Variants in EIF2S1 observed in about 807,000 individuals in gnomAD.
EIF2S1 encodes eukaryotic translation initiation factor 2 subunit 1.
A neutral mutation model predicts 33.5 loss-of-function variants in EIF2S1; 5 were observed. That is an observed-to-expected ratio of 0.15 (90% CI 0.08 to 0.31). The LOEUF (loss-of-function observed/expected upper bound fraction) is 0.31, where lower values mean the gene tolerates loss of function less well. Ranked by LOEUF, EIF2S1 falls within the 10% of genes least tolerant of loss-of-function variation. EIF2S1 has a pLI of 1.00. For synonymous variants in EIF2S1, 99 were observed against 127.5 expected (o/e 0.78, Z 1.51); for missense variants, 191 against 384.6 (o/e 0.50, Z 4.21).
chr14:67,380,048 G>A (rs1350163461), intron 4 of EIF2S1, among the ~76,000 whole-genome samples: 2 of 152,082 alleles, frequency 1.3e-5, no homozygotes, highest in Admixed American at 1.3e-4. Context: ...TGAGTCACTG[G>A]TGCCCAGCCT....
intron 2 of EIF2S1, among the ~76,000 whole-genome samples, chr14:67,371,824 T>C (rs922680987): frequency 5.3e-5 from 8 of 152,234 alleles, no homozygotes; most frequent in Non-Finnish European, 1.5e-5. Flanking sequence ...CAAAGACATG[T>C]TTTTGTAAAA....
intron 4 of EIF2S1, among the ~76,000 whole-genome samples, chr14:67,379,348 CAGT>C: frequency 6.6e-6 from 1 of 152,298 alleles, no homozygotes; most frequent in Middle Eastern, 3.4e-3. Flanking sequence ...AATGAATTCA[CAGT>C]AGTATCTTTT....
intron 3 of EIF2S1, 140 bp from the exon 4 acceptor site, chr14:67,376,299 C>A: frequency 1.2e-6 from 1 of 867,038 alleles, no homozygotes; most frequent in Non-Finnish European, 1.7e-6. Flanking sequence ...TTTATACCCA[C>A]TTAAAGTGAG....
At chr14:67,361,006 A>G (rs77603679) in intron 1 of EIF2S1, among the ~76,000 whole-genome samples, 2,878 of 152,220 alleles carry the variant, frequency 0.019, 37 homozygotes, top group Middle Eastern at 0.034. Context: ...CACCCCTTGA[A>G]CCAAAACTAA....
intron 1 of EIF2S1, among the ~76,000 whole-genome samples, chr14:67,363,676 G>A (rs2085756620): frequency 6.6e-6 from 1 of 152,130 alleles, no homozygotes; most frequent in Admixed American, 6.5e-5. Context: ...TGTACCACAA[G>A]GAGATAGGCA....
chr14:67,382,675 G>A (rs758209462), intron 7 of EIF2S1, 85 bp downstream of exon 7: 4 of 1,485,200 alleles, frequency 2.7e-6, no homozygotes, highest in Admixed American at 1.7e-5. Context: ...TGTCGGCCTT[G>A]GAATGTCATA....
intron 2 of EIF2S1, among the ~76,000 whole-genome samples, chr14:67,371,945 G>A (rs1287324463): frequency 6.6e-6 from 1 of 152,128 alleles, no homozygotes; most frequent in Non-Finnish European, 1.5e-5. Context: ...TGGAGTGTAT[G>A]GAATGCCAGT....
chr14:67,380,091 C>T (rs1366259284), intron 4 of EIF2S1, among the ~76,000 whole-genome samples: 2 of 152,112 alleles, frequency 1.3e-5, no homozygotes, highest in African/African-American at 2.4e-5. Flanking sequence ...ATAGTTCTAC[C>T]TTTACTTTTT....
At chr14:67,366,895 G>A (rs935678422) in intron 2 of EIF2S1, among the ~76,000 whole-genome samples, 1 of 152,076 alleles carries the variant, frequency 6.6e-6, no homozygotes, top group African/African-American at 2.4e-5. Flanking sequence ...GCTGAAGACA[G>A]CTTCAAGCCA....
In EIF2S1 at chr14:67,364,842, A is replaced by G. The variant is rs1409001917; in HGVS notation, c.75A>G (p.Arg25=). 6.2e-7 allele frequency: 1 copy of G among 1,614,050 alleles called. No individual in the cohort carries two copies. The highest frequency in any genetic ancestry group is 1.3e-5 in the African/African-American group (1 of 75,034). The change falls in exon 2 of 8, where the codon AGA becomes AGG. Residue 25 remains arginine, a synonymous_variant. Transcript: ENST00000256383. ...EVEDVVMVNV[R]SIAEMGAYVS... ...AAGATGTAGTGATGGTGAATGTCAGATCCATTGCTGAAATGGGGGCTTATG... is the reference window on the plus strand; with the variant it reads ...AAGATGTAGTGATGGTGAATGTCAGGTCCATTGCTGAAATGGGGGCTTATG...
intron 4 of EIF2S1, among the ~76,000 whole-genome samples, chr14:67,377,084 T>A (rs758288638): frequency 6.6e-6 from 1 of 152,260 alleles, no homozygotes; most frequent in Non-Finnish European, 1.5e-5. Flanking sequence ...TAATTCTGTA[T>A]GTTAGGATCT....
At chr14:67,371,270 C>T (rs1357258234) in intron 2 of EIF2S1, among the ~76,000 whole-genome samples, 1 of 151,700 alleles carries the variant, frequency 6.6e-6, no homozygotes, top group African/African-American at 2.4e-5. Flanking sequence ...AAAAAATTAG[C>T]TGGGTGTGGT....
intron 2 of EIF2S1, among the ~76,000 whole-genome samples, chr14:67,372,956 T>G (rs1354715541): frequency 6.6e-6 from 1 of 152,212 alleles, no homozygotes; most frequent in African/African-American, 2.4e-5. Context: ...TGAAAAGATG[T>G]TGAACATCAT....
intron 2 of EIF2S1, among the ~76,000 whole-genome samples, chr14:67,372,566 C>T (rs936391842): frequency 6.6e-6 from 1 of 152,068 alleles, no homozygotes; most frequent in Non-Finnish European, 1.5e-5. Flanking sequence ...AGCGGTGGCT[C>T]ACGCCTGTTA....
At chr14:67,382,769 A>C in intron 7 of EIF2S1, 179 bp downstream of exon 7, 1 of 625,528 alleles carries the variant, frequency 1.6e-6, no homozygotes, top group Non-Finnish European at 2.7e-6. Context: ...GGAATAAACA[A>C]TATAAATGAG....
At chr14:67,367,876 G>A (rs1050614976) in intron 2 of EIF2S1, among the ~76,000 whole-genome samples, 2 of 151,942 alleles carry the variant, frequency 1.3e-5, no homozygotes, top group African/African-American at 4.8e-5. Flanking sequence ...TCTTTAAGCT[G>A]AAGAGATGTG....
chr14:67,363,134 A>G (rs567819795), intron 1 of EIF2S1, among the ~76,000 whole-genome samples: 10 of 152,202 alleles, frequency 6.6e-5, no homozygotes, highest in East Asian at 3.9e-4. Context: ...GTTTATTTTT[A>G]TGCCCAATTT....
intron 2 of EIF2S1, among the ~76,000 whole-genome samples, 157 bp from the exon 3 acceptor site, chr14:67,374,311 C>T (rs2085844985): frequency 6.6e-6 from 1 of 152,174 alleles, no homozygotes; most frequent in Admixed American, 6.5e-5. Flanking sequence ...GAGGGATACT[C>T]AGCCTTGTAA....
At chr14:67,370,249 A>G (rs958384939) in intron 2 of EIF2S1, among the ~76,000 whole-genome samples, 2 of 152,208 alleles carry the variant, frequency 1.3e-5, no homozygotes, top group African/African-American at 4.8e-5. Flanking sequence ...CATTATGGAC[A>G]TGTCGCAGTG....
Sources: gnomAD v4.1 joint callset for allele counts (sites outside exome capture counted in the v4.1 genomes callset) on GRCh38, gnomAD v4.1.1 for gene constraint, MANE v1.5 for transcripts, NCBI Gene and HGNC (gene_info 2026-07-23, HGNC 2026-07-21) for gene names.